The following RARB variants were observed in gnomAD, a reference collection of about 807,000 sequenced individuals.
RARB encodes retinoic acid receptor beta.
RARB carries 17 observed loss-of-function variants against 51.9 expected under a neutral mutation model. The observed-to-expected ratio is 0.33, with a 90% CI of 0.22 to 0.49. RARB has a LOEUF of 0.49. Among genes scored for constraint, RARB ranks in the 20% least tolerant of loss-of-function variants. The pLI, the probability that RARB is intolerant of heterozygous loss-of-function variation, is 0.99. For synonymous variants in RARB, 215 were observed against 195.4 expected, an observed-to-expected ratio of 1.10 and a Z score of -0.84; for missense variants, 369 against 550.8, an observed-to-expected ratio of 0.67 and a Z score of 3.30.
intron 2 of RARB, among the ~76,000 whole-genome samples, chr3:24,944,339 A>G (rs1695731023): frequency 6.6e-6 from 1 of 152,142 alleles, no homozygotes; most frequent in Non-Finnish European, 1.5e-5. Flanking sequence ...CATAATAAAC[A>G]TTTGCCGTAT....
intron 2 of RARB, among the ~76,000 whole-genome samples, chr3:24,930,366 C>G (rs376332354): frequency 1.3e-5 from 2 of 152,068 alleles, no homozygotes; most frequent in African/African-American, 4.8e-5. Context: ...GTGAGTGCTG[C>G]TAGAACTGCA....
chr3:25,102,596 ATTTGAATATATATATT>A (rs1194777159), intron 3 of RARB, among the ~76,000 whole-genome samples: 2 of 152,014 alleles, frequency 1.3e-5, no homozygotes, highest in East Asian at 3.9e-4. Flanking sequence ...AAATATATAT[ATTTGAATATATATATT>A]TTTGAATTTC....
intron 3 of RARB, among the ~76,000 whole-genome samples, chr3:25,560,450 A>C (rs1700226325): frequency 6.6e-6 from 1 of 152,346 alleles, no homozygotes; most frequent in East Asian, 1.9e-4. Flanking sequence ...TCTTATTGAC[A>C]TGTGGATGGC....
intron 3 of RARB, among the ~76,000 whole-genome samples, chr3:25,569,467 G>T (rs569951790): frequency 6.6e-6 from 1 of 152,324 alleles, no homozygotes; most frequent in African/African-American, 2.4e-5. Flanking sequence ...CCAGTCCACA[G>T]AAAAAGTTCT....
At chr3:25,069,158 G>T (rs978039683) in intron 3 of RARB, among the ~76,000 whole-genome samples, 12 of 152,068 alleles carry the variant, frequency 7.9e-5, no homozygotes. Flanking sequence ...AGAAGGAAAG[G>T]GAAGAGAAAG....
intron 5 of RARB, among the ~76,000 whole-genome samples, chr3:25,176,616 G>C (rs1310525810): frequency 6.6e-6 from 1 of 151,356 alleles, no homozygotes; most frequent in Non-Finnish European, 1.5e-5. Context: ...GAATAGTCTC[G>C]ATCTCTTGAC....
intron 5 of RARB, among the ~76,000 whole-genome samples, chr3:25,368,896 CT>C: frequency 6.6e-6 from 1 of 152,238 alleles, no homozygotes; most frequent in South Asian, 2.1e-4. Context: ...CCCGTTTGCA[CT>C]GTTATGGGAT....
chr3:25,523,405 T>A (rs1455804925), intron 3 of RARB, among the ~76,000 whole-genome samples: 2 of 152,192 alleles, frequency 1.3e-5, no homozygotes, highest in African/African-American at 4.8e-5. Flanking sequence ...GCAGCTGTCA[T>A]ACGAGGAAAA....
intron 5 of RARB, among the ~76,000 whole-genome samples, chr3:25,345,261 C>G (rs903820689): frequency 6.6e-6 from 1 of 152,046 alleles, no homozygotes; most frequent in African/African-American, 2.4e-5. Context: ...TTTGTTTTTT[C>G]CATGAAAAAG....
At chr3:24,877,295 A>T (rs996567222) in intron 2 of RARB, among the ~76,000 whole-genome samples, 4 of 145,520 alleles carry the variant, frequency 2.7e-5, no homozygotes, top group Non-Finnish European at 6.0e-5. Context: ...ATATTTGCAT[A>T]TCTAAGATTG....
At chr3:25,052,172 C>T (rs201899328) in intron 2 of RARB, among the ~76,000 whole-genome samples, 6 of 152,252 alleles carry the variant, frequency 3.9e-5, no homozygotes, top group East Asian at 3.9e-4. Flanking sequence ...TGGTATGTAA[C>T]TTACATCCAT....
chr3:25,236,734 T>C (rs1306926372), intron 5 of RARB, among the ~76,000 whole-genome samples: 3 of 152,110 alleles, frequency 2.0e-5, no homozygotes, highest in Admixed American at 6.5e-5. Flanking sequence ...GCATTTCATA[T>C]TGAATTTGGT....
exon 4 of RARB, among the ~76,000 whole-genome samples, chr3:25,132,194 G>C (rs1699965215): frequency 6.6e-6 from 1 of 151,748 alleles, no homozygotes; most frequent in African/African-American, 2.4e-5. Flanking sequence ...TTCAACTTCT[G>C]CTTGAATCCA....
intron 2 of RARB, among the ~76,000 whole-genome samples, chr3:25,017,242 A>G (rs1697530728): frequency 6.9e-6 from 1 of 144,604 alleles, no homozygotes; most frequent in Admixed American, 6.9e-5. Context: ...TAAACCCCCA[A>G]ATCTCTAAGA....
chr3:25,468,756 A>C (rs1363559597), intron 2 of RARB, among the ~76,000 whole-genome samples: 1 of 152,246 alleles, frequency 6.6e-6, no homozygotes, highest in East Asian at 1.9e-4. Flanking sequence ...GGAAGCGCTT[A>C]CAAGGCAGTC....
At chr3:24,893,424 G>C (rs1206556930) in intron 2 of RARB, among the ~76,000 whole-genome samples, 3 of 152,068 alleles carry the variant, frequency 2.0e-5, no homozygotes, top group Non-Finnish European at 4.4e-5. Context: ...CACCTACTCT[G>C]TGCATCGTGC....
intron 2 of RARB, among the ~76,000 whole-genome samples, chr3:24,877,493 T>C (rs1448936311): frequency 6.6e-6 from 1 of 151,762 alleles, no homozygotes; most frequent in Non-Finnish European, 1.5e-5. Context: ...AAAGAAACAG[T>C]TATGGTGACT....
At chr3:25,147,452 G>T (rs952162739) in intron 4 of RARB, among the ~76,000 whole-genome samples, 1 of 152,060 alleles carries the variant, frequency 6.6e-6, no homozygotes, top group African/African-American at 2.4e-5. Flanking sequence ...TTTGAATATT[G>T]TCCTAATCTA....
At position 25,461,973 on chromosome 3, in the gene RARB, G is replaced by A. The variant is rs192588347; in HGVS notation, c.306+632G>A. ...GTTCTTTTTCTCTTTAGAACATGCCGTCTGGTGTCTGTAGTTTTATCTTAT... is the reference window on the plus strand; with the variant it reads ...GTTCTTTTTCTCTTTAGAACATGCCATCTGGTGTCTGTAGTTTTATCTTAT... On this transcript the variant is annotated intron_variant, in intron 2 of 7. Coordinates refer to ENST00000330688, the MANE Select transcript of RARB (RefSeq NM_000965.5). Among the ~76,000 whole-genome samples, 392 of 152,340 alleles carry A rather than the reference G, an allele frequency of 2.6e-3. 1 individual carries two copies. The highest frequency in any genetic ancestry group is 6.9e-3 in the African/African-American group (286 of 41,584).
Sources: gnomAD v4.1 joint callset for allele counts (sites outside exome capture counted in the v4.1 genomes callset) on GRCh38, gnomAD v4.1.1 for gene constraint, MANE v1.5 for transcripts, NCBI Gene and HGNC (gene_info 2026-07-23, HGNC 2026-07-21) for gene names.